R3HDM1: variants seen among roughly 807,000 people sequenced by gnomAD.
The protein encoded by R3HDM1 is R3H domain containing 1, also known as R3H domain-containing protein 1.
A neutral mutation model predicts 141.1 loss-of-function variants in R3HDM1; 46 were observed. The observed-to-expected ratio is 0.33, with a 90% CI of 0.26 to 0.42. The LOEUF is 0.42. Ranked by LOEUF, R3HDM1 falls within the 10% of genes least tolerant of loss-of-function variation. The probability of loss-of-function intolerance (pLI) is 1.00; values close to 1 mark genes in which losing one functional copy is unlikely to be tolerated. For synonymous variants in R3HDM1, 435 were observed against 472.9 expected (o/e 0.92, Z 1.04); for missense variants, 1,184 against 1,368.3 (o/e 0.87, Z 2.12).
chr2:135,692,644 T>G (rs1049710212), intron 21 of R3HDM1, among the ~76,000 whole-genome samples: 1 of 152,042 alleles, frequency 6.6e-6, no homozygotes, highest in African/African-American at 2.4e-5. Flanking sequence ...AGCATCTGAA[T>G]TTTAGGTTAG....
intron 1 of R3HDM1, among the ~76,000 whole-genome samples, chr2:135,536,283 A>T (rs1696093402): frequency 6.6e-6 from 1 of 152,070 alleles, no homozygotes; most frequent in Non-Finnish European, 1.5e-5. Context: ...ACGACTACAA[A>T]CTTGTCACTA....
intron 21 of R3HDM1, among the ~76,000 whole-genome samples, chr2:135,687,640 CT>C (rs2071587105): frequency 6.6e-6 from 1 of 151,738 alleles, no homozygotes; most frequent in Admixed American, 6.6e-5. Flanking sequence ...TTGGCTCTTA[CT>C]CCCAATTAGA....
At chr2:135,640,773 G>A (rs1194829768) in intron 14 of R3HDM1, among the ~76,000 whole-genome samples, 2 of 151,562 alleles carry the variant, frequency 1.3e-5, no homozygotes, top group Admixed American at 6.6e-5. Context: ...TCTTTGTCTC[G>A]GCCACCTTTT....
At chr2:135,622,771 G>A in intron 7 of R3HDM1, 39 bp downstream of exon 7, 9 of 1,507,230 alleles carry the variant, frequency 6.0e-6, no homozygotes, top group Middle Eastern at 1.7e-4. Context: ...TGCTTCTAGA[G>A]TACCATAATT....
At chr2:135,547,966 G>A (rs983201455) in intron 1 of R3HDM1, among the ~76,000 whole-genome samples, 1 of 151,784 alleles carries the variant, frequency 6.6e-6, no homozygotes, top group Non-Finnish European at 1.5e-5. Flanking sequence ...TAGAGACAGG[G>A]TTTCACCATG....
intron 21 of R3HDM1, among the ~76,000 whole-genome samples, chr2:135,701,842 A>G (rs1051168886): frequency 6.6e-6 from 1 of 152,192 alleles, no homozygotes; most frequent in African/African-American, 2.4e-5. Context: ...AAGGAAAGCA[A>G]AACCACAGAT....
At position 135,631,398 on chromosome 2, in the gene R3HDM1, TG is replaced by T. The variant is rs1339151677; in HGVS notation, c.498-319del. Among the ~76,000 whole-genome samples, 3 of 151,314 alleles carry T rather than the reference TG, an allele frequency of 2.0e-5. No individual in the cohort carries two copies. The East Asian group carries it at 5.8e-4, about 29-fold the overall frequency. ...AATACATTTAAGTTCCTTCGTTGTG[TG>T]TAAGCAAAAAAAAAAAAAATGCATT... On this transcript the variant is annotated intron_variant, in intron 7 of 26. Coordinates refer to ENST00000683871, the MANE Select transcript of R3HDM1 (RefSeq NM_001378107.1).
intron 26 of R3HDM1, 118 bp downstream of exon 26, chr2:135,722,671 T>G (rs1188144082): frequency 1.0e-6 from 1 of 981,052 alleles, no homozygotes; most frequent in Non-Finnish European, 1.5e-6. Flanking sequence ...TCATAATTTT[T>G]GCCATCTCTG....
rs1212058319 is a variant in R3HDM1 at position 135,645,488 on chromosome 2, C to T, written c.1584C>T (p.Ala528=). ...VPGPPQPPLP[A]PPQQPAANHI... is the part of the protein sequence containing the mutation. The stretch of plus-strand genomic sequence containing the variant: ...GACCTCCACAGCCACCTCTGCCAGC[C>T]CCACCTCAACAACCAGCAGCTAATC... The change falls in exon 16 of 27, where the codon GCC becomes GCT. Residue 528 remains alanine, a synonymous_variant. Coordinates refer to ENST00000683871, the MANE Select transcript of R3HDM1 (RefSeq NM_001378107.1). The T allele has an allele frequency of 6.2e-7, 1 of 1,614,066 alleles. No homozygotes were observed. Among genetic ancestry groups the T allele is most frequent in the South Asian group, 1.1e-5 (1 of 91,074 alleles).
chr2:135,531,904 C>T (rs920584239), intron 1 of R3HDM1, among the ~76,000 whole-genome samples: 14 of 152,218 alleles, frequency 9.2e-5, no homozygotes, highest in African/African-American at 2.7e-4. Flanking sequence ...GCTGCAGCCA[C>T]TGCCTTGTGC....
At chr2:135,566,717 A>G (rs1702859112) in intron 1 of R3HDM1, 1 of 984,766 alleles carries the variant, frequency 1.0e-6, no homozygotes, top group East Asian at 1.1e-4. Flanking sequence ...AAGGTTTGTT[A>G]GTCGTTTGGA....
At chr2:135,717,376 T>G (rs1426880568) in intron 24 of R3HDM1, among the ~76,000 whole-genome samples, 3 of 151,554 alleles carry the variant, frequency 2.0e-5, no homozygotes, top group Non-Finnish European at 2.9e-5. Flanking sequence ...CACAGCTACT[T>G]GGGAGGCTAA....
At chr2:135,549,017 C>G (rs1022706048) in intron 1 of R3HDM1, among the ~76,000 whole-genome samples, 2 of 152,228 alleles carry the variant, frequency 1.3e-5, no homozygotes, top group Non-Finnish European at 2.9e-5. Flanking sequence ...GTAATAAGAG[C>G]AGGAAGAAGA....
At chr2:135,718,741 C>T (rs1296453351) in intron 24 of R3HDM1, among the ~76,000 whole-genome samples, 1 of 152,168 alleles carries the variant, frequency 6.6e-6, no homozygotes, top group Non-Finnish European at 1.5e-5. Flanking sequence ...CTTGGCCTCC[C>T]AAAGTGCTGC....
At chr2:135,612,468 A>G (rs2060635329) in intron 3 of R3HDM1, among the ~76,000 whole-genome samples, 1 of 152,190 alleles carries the variant, frequency 6.6e-6, no homozygotes. Flanking sequence ...TATATAACTC[A>G]TAAGGATTGC....
At chr2:135,631,520 T>C (rs1367332955) in intron 7 of R3HDM1, among the ~76,000 whole-genome samples, 198 bp from the exon 8 acceptor site, 1 of 152,190 alleles carries the variant, frequency 6.6e-6, no homozygotes, top group Non-Finnish European at 1.5e-5. Context: ...TGTGAAAACT[T>C]CTGTAATAAA....
chr2:135,689,871 C>A (rs2072030208), intron 21 of R3HDM1, among the ~76,000 whole-genome samples: 1 of 152,272 alleles, frequency 6.6e-6, no homozygotes, highest in African/African-American at 2.4e-5. Flanking sequence ...AGTTGGATAT[C>A]TTCAAAATGC....
At chr2:135,702,217 G>GAAAAAAA (rs35183953) in intron 21 of R3HDM1, among the ~76,000 whole-genome samples, 1 of 120,858 alleles carries the variant, frequency 8.3e-6, no homozygotes, top group Non-Finnish European at 1.6e-5. Context: ...GTCTCAGGGG[G>GAAAAAAA]AAAAAAAAAA....
intron 1 of R3HDM1, chr2:135,534,058 GGT>G: frequency 1.0e-6 from 1 of 981,750 alleles, no homozygotes; most frequent in Non-Finnish European, 1.2e-6. Context: ...GAGTACCATG[GGT>G]GTATTAATTT....
Sources: gnomAD v4.1 joint callset for allele counts (sites outside exome capture counted in the v4.1 genomes callset) on GRCh38, gnomAD v4.1.1 for gene constraint, MANE v1.5 for transcripts, NCBI Gene and HGNC (gene_info 2026-07-23, HGNC 2026-07-21) for gene names.